Variants in TUSC3 observed in about 807,000 individuals in gnomAD.
The protein encoded by TUSC3 is dolichyl-diphosphooligosaccharide--protein glycosyltransferase subunit TUSC3.
TUSC3 carries 45 observed loss-of-function variants against 44.8 expected under a neutral mutation model. That is an observed-to-expected ratio of 1.00 (90% CI 0.79 to 1.29). The LOEUF (loss-of-function observed/expected upper bound fraction) is 1.29. Ranked by LOEUF, TUSC3 falls within the 50% of genes most tolerant of loss-of-function variation. The probability of loss-of-function intolerance (pLI) is 0.00; values close to 1 mark genes in which losing one functional copy is unlikely to be tolerated. For missense variants in TUSC3, 519 were observed against 437.9 expected (o/e 1.19, Z -1.65); for synonymous variants, 212 against 152.9 (o/e 1.39, Z -2.85).
intron 1 of TUSC3, among the ~76,000 whole-genome samples, chr8:15,581,725 G>T (rs1803353652): frequency 7.5e-6 from 1 of 133,064 alleles, no homozygotes; most frequent in Non-Finnish European, 1.7e-5. Flanking sequence ...CTTCAAAGCT[G>T]TCAGACAGGG....
chr8:15,454,815 T>A (rs1800235831), intron 1 of TUSC3, among the ~76,000 whole-genome samples: 1 of 152,194 alleles, frequency 6.6e-6, no homozygotes. Context: ...ATCAATGATT[T>A]ATATAAACAT....
chr8:15,446,339 A>AGGCTGCAATCTCGGCACTTTG (rs1242401044), intron 1 of TUSC3, among the ~76,000 whole-genome samples: 52 of 152,178 alleles, frequency 3.4e-4, no homozygotes, highest in Admixed American at 1.8e-3. Context: ...GGCCGGGCAG[A>AGGCTGCAATCTCGGCACTTTG]GGCTGCAATC....
chr8:15,793,570 CTT>C, the TUSC3 span, among the ~76,000 whole-genome samples: 366 of 152,302 alleles, frequency 2.4e-3, 1 homozygote, highest in African/African-American at 7.9e-3. Context: ...CACTCTCTCT[CTT>C]GCCAGCTTAT....
the TUSC3 span, among the ~76,000 whole-genome samples, chr8:15,818,971 C>A: frequency 6.6e-6 from 1 of 152,118 alleles, no homozygotes; most frequent in Non-Finnish European, 1.5e-5. Flanking sequence ...CACCTATACT[C>A]CTGGTGCCTT....
chr8:15,650,830 G>T lies in TUSC3; in HGVS notation c.426+16G>T. ...TTTTCAGCAGGTAAAGAGTTATATC[G>T]TATTCATATATTTAACATAGTTGTT... On this transcript the variant is annotated intron_variant, in intron 3 of 10. Coordinates refer to ENST00000503731, the MANE Select transcript of TUSC3 (RefSeq NM_006765.4). The T allele has an allele frequency of 1.3e-6, 2 of 1,597,770 alleles. No homozygotes were observed. The highest frequency in any genetic ancestry group is 1.3e-5 in the African/African-American group (1 of 74,664).
downstream of TUSC3, among the ~76,000 whole-genome samples, chr8:15,771,496 G>A (rs2721235): frequency 0.73 from 110,743 of 151,944 alleles, 40,559 homozygotes; most frequent in Admixed American, 0.78. Flanking sequence ...TAAATATAAA[G>A]GCATTATTTT....
At chr8:15,663,994 A>G (rs1427859441) in intron 5 of TUSC3, among the ~76,000 whole-genome samples, 2 of 151,918 alleles carry the variant, frequency 1.3e-5, no homozygotes, top group African/African-American at 2.4e-5. Flanking sequence ...TTCAAATAAC[A>G]TTAACATCCT....
intron 2 of TUSC3, among the ~76,000 whole-genome samples, chr8:15,641,157 G>A (rs1158620223): frequency 6.6e-6 from 1 of 151,456 alleles, no homozygotes; most frequent in African/African-American, 2.4e-5. Flanking sequence ...TCAAGAGATC[G>A]AGACCATCCT....
intron 5 of TUSC3, among the ~76,000 whole-genome samples, chr8:15,669,175 G>A (rs140494354): frequency 2.6e-5 from 4 of 151,878 alleles, no homozygotes; most frequent in Non-Finnish European, 4.4e-5. Flanking sequence ...CAAGGAAGTT[G>A]AACAACTTTA....
Position 15,502,848 on chromosome 8 carries a change from T to C in TUSC3, n.189+19365T>C, listed in dbSNP as rs533169487. ...TTATCCTACATTTTGCAGAAGCTCA[T>C]CTTTGAGTGCCTTCCCAAAAAGAAT... On this transcript the variant is annotated intron_variant and non_coding_transcript_variant, in intron 2 of 5. Coordinates refer to the TUSC3 transcript ENST00000503191. Among the ~76,000 whole-genome samples the C allele has an allele frequency of 2.5e-3, 387 of 152,346 alleles. 3 individuals are homozygous for C. The highest frequency in any genetic ancestry group is 6.8e-3 in the Middle Eastern group (2 of 294).
At chr8:15,545,050 A>C (rs1801817134) in intron 1 of TUSC3, among the ~76,000 whole-genome samples, 1 of 151,872 alleles carries the variant, frequency 6.6e-6, no homozygotes, top group South Asian at 2.1e-4. Flanking sequence ...ACACACATGT[A>C]TACATAATAC....
At chr8:15,614,057 A>T (rs1275372941) in intron 1 of TUSC3, among the ~76,000 whole-genome samples, 2 of 149,838 alleles carry the variant, frequency 1.3e-5, no homozygotes, top group African/African-American at 2.5e-5. Flanking sequence ...TAAGAACTCC[A>T]TGAAGGATAG....
At chr8:15,756,935 G>A (rs1348814202) in intron 9 of TUSC3, among the ~76,000 whole-genome samples, 1 of 152,158 alleles carries the variant, frequency 6.6e-6, no homozygotes. Context: ...CTGAGGCCAA[G>A]AATTTGAGAC....
At chr8:15,758,952 G>A (rs568154991) in intron 10 of TUSC3, among the ~76,000 whole-genome samples, 76 of 152,170 alleles carry the variant, frequency 5.0e-4, no homozygotes, top group African/African-American at 1.7e-3. Flanking sequence ...ACTTGTTTTA[G>A]ACTCAAAGAC....
chr8:15,745,768 T>A (rs1023032630), intron 8 of TUSC3, among the ~76,000 whole-genome samples: 1 of 151,988 alleles, frequency 6.6e-6, no homozygotes, highest in African/African-American at 2.4e-5. Context: ...TCTTGTTGTT[T>A]TGCGGTGCAG....
At chr8:15,482,776 C>T (rs1053290202) in intron 1 of TUSC3, among the ~76,000 whole-genome samples, 1 of 152,046 alleles carries the variant, frequency 6.6e-6, no homozygotes, top group Admixed American at 6.6e-5. Flanking sequence ...TACAGAAATT[C>T]CTATGAATGG....
chr8:15,520,737 C>T (rs535583217), intron 2 of TUSC3, among the ~76,000 whole-genome samples: 2 of 152,132 alleles, frequency 1.3e-5, no homozygotes, highest in Admixed American at 1.3e-4. Context: ...CTTGTTATTG[C>T]CTTTACCCAC....
chr8:15,840,268 C>A, the TUSC3 span, among the ~76,000 whole-genome samples: 1 of 152,046 alleles, frequency 6.6e-6, no homozygotes, highest in Non-Finnish European at 1.5e-5. Flanking sequence ...AGGAGACATG[C>A]CTAATGTAAG....
chr8:15,631,061 T>G (rs1443492154), intron 2 of TUSC3, among the ~76,000 whole-genome samples: 1 of 152,206 alleles, frequency 6.6e-6, no homozygotes, highest in Admixed American at 6.5e-5. Context: ...CTTAAATTTC[T>G]TGGCTACCTG....
Sources: gnomAD v4.1 joint callset for allele counts (sites outside exome capture counted in the v4.1 genomes callset) on GRCh38, gnomAD v4.1.1 for gene constraint, MANE v1.5 for transcripts, NCBI Gene and HGNC (gene_info 2026-07-23, HGNC 2026-07-21) for gene names.